KLF12: variants seen among roughly 807,000 people sequenced by gnomAD.
The protein encoded by KLF12 is KLF transcription factor 12.
Under a neutral mutation model 37.8 loss-of-function variants are expected in KLF12, and 9 were observed. The observed-to-expected ratio is 0.24, with a 90% CI of 0.14 to 0.42. KLF12 has a LOEUF of 0.42. Ranked by LOEUF, KLF12 falls within the 10% of genes least tolerant of loss-of-function variation. The probability of loss-of-function intolerance (pLI) is 1.00; values close to 1 mark genes in which losing one functional copy is unlikely to be tolerated. For synonymous variants in KLF12, 208 were observed against 202.1 expected (o/e 1.03, Z -0.25); for missense variants, 411 against 516.0 (o/e 0.80, Z 1.97).
intron 5 of KLF12, among the ~76,000 whole-genome samples, chr13:73,776,746 A>G (rs534090119): frequency 6.6e-6 from 1 of 152,346 alleles, no homozygotes; most frequent in East Asian, 1.9e-4. Flanking sequence ...CAAAATAGCC[A>G]AATTAAAGCA....
chr13:74,277,448 T>C, the KLF12 span, among the ~76,000 whole-genome samples: 2 of 152,182 alleles, frequency 1.3e-5, no homozygotes, highest in African/African-American at 4.8e-5. Context: ...TTCTGTATTA[T>C]TCAGTAAGTG....
chr13:74,147,006 G>A, the KLF12 span, among the ~76,000 whole-genome samples: 1 of 152,202 alleles, frequency 6.6e-6, no homozygotes, highest in South Asian at 2.1e-4. Flanking sequence ...TGCCAAGATT[G>A]TGTAGCCCGT....
chr13:74,032,394 G>A (rs1042147135), intron 1 of KLF12, among the ~76,000 whole-genome samples: 1 of 151,984 alleles, frequency 6.6e-6, no homozygotes, highest in Non-Finnish European at 1.5e-5. Context: ...TCCATAGTCT[G>A]GTCTCACTTT....
At chr13:73,923,750 T>C (rs1025850526) in intron 3 of KLF12, among the ~76,000 whole-genome samples, 14 of 152,148 alleles carry the variant, frequency 9.2e-5, no homozygotes, top group Non-Finnish European at 2.1e-4. Context: ...CCCAGGGTGT[T>C]TTTCTTCTTC....
chr13:74,232,107 A>G, the KLF12 span, among the ~76,000 whole-genome samples: 1 of 152,306 alleles, frequency 6.6e-6, no homozygotes, highest in African/African-American at 2.4e-5. Flanking sequence ...GTAAACAATC[A>G]TCTTCCTTCC....
At chr13:73,952,181 G>T (rs1890670457) in intron 2 of KLF12, among the ~76,000 whole-genome samples, 2 of 152,168 alleles carry the variant, frequency 1.3e-5, no homozygotes, top group South Asian at 4.1e-4. Flanking sequence ...ATGAAGGGTT[G>T]TATCAGTCCC....
intron 1 of KLF12, among the ~76,000 whole-genome samples, chr13:74,097,140 T>C (rs1043440507): frequency 6.6e-6 from 1 of 152,204 alleles, no homozygotes; most frequent in African/African-American, 2.4e-5. Flanking sequence ...ATTAATTTTG[T>C]CTCTAAAGAA....
At chr13:73,769,186 A>C (rs1880119031) in intron 5 of KLF12, among the ~76,000 whole-genome samples, 3 of 152,154 alleles carry the variant, frequency 2.0e-5, no homozygotes, top group Non-Finnish European at 4.4e-5. Flanking sequence ...AACACATGTA[A>C]ATTTTAGAGG....
At chr13:74,079,981 A>T (rs1309477668) in intron 1 of KLF12, among the ~76,000 whole-genome samples, 1 of 152,224 alleles carries the variant, frequency 6.6e-6, no homozygotes, top group Admixed American at 6.5e-5. Flanking sequence ...AAAGTCCATC[A>T]AAAGATGAAT....
At chr13:74,090,469 T>A (rs1417391866) in intron 1 of KLF12, among the ~76,000 whole-genome samples, 1 of 152,140 alleles carries the variant, frequency 6.6e-6, no homozygotes, top group Non-Finnish European at 1.5e-5. Context: ...ACAGATTCAA[T>A]GTAATCCCTA....
intron 2 of KLF12, among the ~76,000 whole-genome samples, chr13:73,953,380 C>T (rs1240159605): frequency 6.6e-6 from 1 of 151,918 alleles, no homozygotes; most frequent in Non-Finnish European, 1.5e-5. Flanking sequence ...AAATTTACTA[C>T]CATTTTATTC....
At chr13:74,069,218 G>A (rs1874086310) in intron 1 of KLF12, among the ~76,000 whole-genome samples, 1 of 152,102 alleles carries the variant, frequency 6.6e-6, no homozygotes, top group Non-Finnish European at 1.5e-5. Context: ...GAAAAATATA[G>A]TACTAGAGGG....
intron 1 of KLF12, among the ~76,000 whole-genome samples, chr13:74,054,372 A>C (rs1037223170): frequency 3.9e-5 from 6 of 152,210 alleles, no homozygotes; most frequent in Non-Finnish European, 7.4e-5. Flanking sequence ...CTGTAGTCAG[A>C]AGCTGGAGTT....
intron 5 of KLF12, among the ~76,000 whole-genome samples, chr13:73,789,529 C>T (rs563580370): frequency 1.1e-4 from 17 of 152,196 alleles, no homozygotes; most frequent in South Asian, 2.1e-4. Context: ...GGTAAGACCA[C>T]GCAAAATTTA....
the KLF12 span, among the ~76,000 whole-genome samples, chr13:74,249,379 C>CACAA: frequency 3.6e-5 from 5 of 138,564 alleles, no homozygotes; most frequent in East Asian, 6.5e-4. Flanking sequence ...CACACACACA[C>CACAA]GCACACCCTC....
the KLF12 span, among the ~76,000 whole-genome samples, chr13:74,189,250 T>C: frequency 1.6e-4 from 25 of 152,276 alleles, no homozygotes; most frequent in East Asian, 2.3e-3. Context: ...AGAGGAATTA[T>C]AGACAATGGT....
the KLF12 span, among the ~76,000 whole-genome samples, chr13:74,184,671 T>G: frequency 6.6e-6 from 1 of 152,176 alleles, no homozygotes; most frequent in Non-Finnish European, 1.5e-5. Flanking sequence ...GTATGCAAGC[T>G]CAGTGCAATC....
chr13:73,819,521 T>C (rs139603804), intron 4 of KLF12, among the ~76,000 whole-genome samples: 163 of 152,264 alleles, frequency 1.1e-3, no homozygotes, highest in African/African-American at 3.6e-3. Flanking sequence ...CATTTATGTA[T>C]TTAGTCAACA....
chr13:74,079,210 C>T (rs1187792851), intron 1 of KLF12, among the ~76,000 whole-genome samples: 7 of 151,618 alleles, frequency 4.6e-5, no homozygotes, highest in African/African-American at 7.3e-5. Context: ...CAAAATAGAA[C>T]GGGTACCAGG....
Sources: gnomAD v4.1 joint callset for allele counts (sites outside exome capture counted in the v4.1 genomes callset) on GRCh38, gnomAD v4.1.1 for gene constraint, MANE v1.5 for transcripts, NCBI Gene and HGNC (gene_info 2026-07-23, HGNC 2026-07-21) for gene names.